The following WDHD1 variants were observed in gnomAD, a reference collection of about 807,000 sequenced individuals.
The protein encoded by WDHD1 is WD repeat and HMG-box DNA binding protein 1.
WDHD1 carries 111 observed loss-of-function variants against 135.4 expected under a neutral mutation model. The ratio of observed to expected loss-of-function variants is 0.82; its 90% CI spans 0.70 to 0.96. WDHD1 has a LOEUF of 0.96. Among genes scored for constraint, WDHD1 ranks in the 40% least tolerant of loss-of-function variants. The pLI is 0.00. For synonymous variants in WDHD1, 434 were observed against 439.0 expected (o/e 0.99, Z 0.14); for missense variants, 1,351 against 1,336.3 (o/e 1.01, Z -0.17).
At chr14:55,010,217 TA>T in intron 4 of WDHD1, 91 bp downstream of exon 4, 2 of 1,284,854 alleles carry the variant, frequency 1.6e-6, no homozygotes, top group Non-Finnish European at 2.0e-6. Flanking sequence ...AACAAAAAAT[TA>T]AGTCACGGTC....
chr14:55,002,618 TC>T (rs142808549), intron 7 of WDHD1, among the ~76,000 whole-genome samples: 1 of 151,852 alleles, frequency 6.6e-6, no homozygotes, highest in East Asian at 1.9e-4. Flanking sequence ...TACTTTTTTT[TC>T]CCCCAAGAGA....
At chr14:54,972,375 C>T (rs1362376337) in intron 16 of WDHD1, among the ~76,000 whole-genome samples, 1 of 150,462 alleles carries the variant, frequency 6.6e-6, no homozygotes, top group South Asian at 2.1e-4. Flanking sequence ...GCCAGGAGCT[C>T]GAGACCAGCC....
intron 4 of WDHD1, 55 bp downstream of exon 4, chr14:55,010,254 A>T (rs1236193219): frequency 7.0e-7 from 1 of 1,437,096 alleles, no homozygotes; most frequent in Non-Finnish European, 9.2e-7. Flanking sequence ...TGAAACAAAT[A>T]AACAAGGCCT....
intron 3 of WDHD1, 74 bp downstream of exon 3, chr14:55,013,411 A>G: frequency 9.8e-7 from 1 of 1,018,096 alleles, no homozygotes; most frequent in South Asian, 1.4e-5. Flanking sequence ...ATATTCAAAA[A>G]TATTTTTTCA....
intron 21 of WDHD1, among the ~76,000 whole-genome samples, chr14:54,959,978 GA>G (rs2041224658): frequency 6.6e-6 from 1 of 152,122 alleles, no homozygotes; most frequent in Non-Finnish European, 1.5e-5. Context: ...AATCCTTCAA[GA>G]TTCAAATGTG....
At chr14:55,000,435 G>A in intron 10 of WDHD1, 68 bp downstream of exon 10, 6 of 1,437,044 alleles carry the variant, frequency 4.2e-6, no homozygotes, top group Non-Finnish European at 5.5e-6. Context: ...GGCAGTTTGT[G>A]GTGTCTTCCA....
intron 11 of WDHD1, 62 bp from the exon 12 acceptor site, chr14:54,991,462 G>T: frequency 6.7e-7 from 1 of 1,490,950 alleles, no homozygotes; most frequent in Non-Finnish European, 9.2e-7. Context: ...AAAAAGGAAA[G>T]CATTATGGAA....
chr14:55,015,741 C>T (rs1167170869), intron 2 of WDHD1, among the ~76,000 whole-genome samples: 2 of 151,740 alleles, frequency 1.3e-5, no homozygotes, highest in Non-Finnish European at 2.9e-5. Flanking sequence ...CTCTGTCGCC[C>T]AGGCTGAAGT....
In WDHD1 at chr14:54,957,301, T is replaced by G. The variant is rs149926168; in HGVS notation, c.2746-97A>C. The G allele has an allele frequency of 4.4e-5, 58 of 1,310,872 alleles. No homozygotes were observed. In the East Asian group the frequency reaches 1.4e-3, roughly 31 times the overall value. The allele number at this position is 1,310,872 out of a possible 1,614,324, so 81.2% of individuals were successfully genotyped here. A position where few individuals can be genotyped will look rare whatever the true frequency, so the allele number is the denominator to read the frequency against. On this transcript the variant is annotated intron_variant, in intron 22 of 25. Transcript: ENST00000360586. ...CTTGAAATTTCTGTTAAGTTTGTAT[T>G]GCCATCTCATCTTTAGAACTAAATA...
At chr14:54,954,282 G>A (rs1354755443) in intron 24 of WDHD1, among the ~76,000 whole-genome samples, 1 of 151,980 alleles carries the variant, frequency 6.6e-6, no homozygotes, top group Non-Finnish European at 1.5e-5. Flanking sequence ...GCGAAACTCC[G>A]TCTCAGAAAA....
chr14:54,979,910 C>A (rs2041589325), intron 16 of WDHD1, among the ~76,000 whole-genome samples: 2 of 152,312 alleles, frequency 1.3e-5, no homozygotes, highest in South Asian at 2.1e-4. Context: ...TTTCACTTAA[C>A]ACATCTTGCA....
Position 54,966,624 on chromosome 14 carries a change from AT to A in WDHD1, c.2179-19del. On this transcript the variant is annotated intron_variant, in intron 17 of 25. Coordinates refer to ENST00000360586, the MANE Select transcript of WDHD1 (RefSeq NM_007086.4). ...AATTGCTCCTATAAAAGCAAATAAA[AT>A]TGCTTAAGGCCAACTATCACCTTAA... is the stretch of plus-strand genomic sequence containing the variant. 1 of 1,593,790 alleles carries A rather than the reference AT, an allele frequency of 6.3e-7. No individual in the cohort carries two copies. The highest frequency in any genetic ancestry group is 8.5e-7 in the Non-Finnish European group (1 of 1,172,924).
At chr14:55,003,101 A>G (rs1042277598) in intron 7 of WDHD1, among the ~76,000 whole-genome samples, 5 of 152,202 alleles carry the variant, frequency 3.3e-5, no homozygotes, top group Non-Finnish European at 5.9e-5. Context: ...AACATATAAT[A>G]AAAACTTTAT....
intron 3 of WDHD1, among the ~76,000 whole-genome samples, chr14:55,011,524 CAAAAAAA>C (rs60615259): frequency 5.9e-5 from 3 of 51,000 alleles, no homozygotes; most frequent in African/African-American, 1.6e-4. Context: ...AACTCTGTCT[CAAAAAAA>C]AAAAAAAAAA....
At chr14:54,949,866 A>T (rs2140152430) in intron 24 of WDHD1, among the ~76,000 whole-genome samples, 1 of 152,324 alleles carries the variant, frequency 6.6e-6, no homozygotes. Context: ...AGAATTTTCA[A>T]CTCAGAATTT....
rs181258239 is a variant in WDHD1 at position 54,988,215 on chromosome 14, T to C, written c.1526+813A>G. ...AAAGCAAACGGGTGACTAGTACATT[T>C]TTTGGTTTGTTTTTCCGTTTTTTTT... On this transcript the variant is annotated intron_variant, in intron 13 of 25. Coordinates refer to ENST00000360586, the MANE Select transcript of WDHD1 (RefSeq NM_007086.4). 7.9e-4 allele frequency among the ~76,000 whole-genome samples: 111 copies of C among 139,760 alleles called. No individual in the cohort carries two copies. In the East Asian group the frequency reaches 0.016, roughly 20 times the overall value. 91.7% of individuals were successfully genotyped at this position (139,760 alleles called of 152,430 possible). A position where few individuals can be genotyped will look rare whatever the true frequency, so the allele number is the denominator to read the frequency against.
intron 25 of WDHD1, among the ~76,000 whole-genome samples, chr14:54,942,829 G>T (rs1424644150): frequency 2.0e-5 from 3 of 152,190 alleles, no homozygotes; most frequent in South Asian, 4.1e-4. Context: ...AATGTTTAGG[G>T]TTTACCTTAA....
chr14:55,019,331 G>A (rs1386540198), intron 2 of WDHD1, among the ~76,000 whole-genome samples: 6 of 152,078 alleles, frequency 3.9e-5, no homozygotes, highest in Non-Finnish European at 8.8e-5. Context: ...AACTGGGTAA[G>A]TTGTTAATTT....
chr14:54,974,493 GT>G (rs1359133125), intron 16 of WDHD1, among the ~76,000 whole-genome samples: 120 of 55,818 alleles, frequency 2.1e-3, no homozygotes, highest in Non-Finnish European at 2.0e-3. Context: ...GTTTTGTTTT[GT>G]TTTTTTTTTT....
Sources: allele counts gnomAD v4.1 joint callset (sites outside exome capture counted in the v4.1 genomes callset), GRCh38; gene constraint gnomAD v4.1.1; transcripts MANE v1.5; gene names NCBI Gene and HGNC (gene_info 2026-07-23, HGNC 2026-07-21).